BICRAL: variants seen among roughly 807,000 people sequenced by gnomAD.
The protein encoded by BICRAL is BRD4-interacting chromatin-remodeling complex-associated protein-like.
BICRAL carries 8 observed loss-of-function variants against 91.8 expected under a neutral mutation model. The observed-to-expected ratio is 0.09, with a 90% CI of 0.05 to 0.16. The LOEUF (loss-of-function observed/expected upper bound fraction) is 0.16. Among genes scored for constraint, BICRAL ranks in the 10% least tolerant of loss-of-function variants. BICRAL has a pLI of 1.00. For synonymous variants in BICRAL, 445 were observed against 491.1 expected (o/e 0.91, Z 1.24); for missense variants, 1,038 against 1,310.9 (o/e 0.79, Z 3.21).
chr6:42,801,222 GC>G (rs1763561153), intron 1 of BICRAL, among the ~76,000 whole-genome samples: 1 of 146,320 alleles, frequency 6.8e-6, no homozygotes, highest in African/African-American at 2.6e-5. Flanking sequence ...CTGCACTCCA[GC>G]CTGGCTGGCA....
chr6:42,843,914 T>C (rs1389566474), intron 6 of BICRAL, among the ~76,000 whole-genome samples: 1 of 149,798 alleles, frequency 6.7e-6, no homozygotes. Flanking sequence ...TTCTCCTGCC[T>C]CAGCCTCCTG....
At chr6:42,825,428 T>C (rs1222936132) in intron 5 of BICRAL, among the ~76,000 whole-genome samples, 1 of 144,208 alleles carries the variant, frequency 6.9e-6, no homozygotes, top group African/African-American at 2.6e-5. Flanking sequence ...AGCCGGGCGT[T>C]GTGGCGGCTG....
intron 1 of BICRAL, among the ~76,000 whole-genome samples, chr6:42,763,845 A>C (rs909135665): frequency 6.6e-6 from 1 of 151,850 alleles, no homozygotes; most frequent in South Asian, 2.1e-4. Context: ...AACAAACAAA[A>C]AAAACGAGCG....
intron 1 of BICRAL, among the ~76,000 whole-genome samples, chr6:42,755,889 G>A (rs1378517411): frequency 6.6e-6 from 1 of 151,802 alleles, no homozygotes; most frequent in Non-Finnish European, 1.5e-5. Context: ...GCCCAGGTTG[G>A]TCTTGAACTC....
chr6:42,763,841 CA>C (rs201897075), intron 1 of BICRAL, among the ~76,000 whole-genome samples: 1 of 140,852 alleles, frequency 7.1e-6, no homozygotes, highest in African/African-American at 2.6e-5. Context: ...AAAAAACAAA[CA>C]AAAAAAACGA....
intron 1 of BICRAL, among the ~76,000 whole-genome samples, chr6:42,770,847 C>T (rs909313619): frequency 6.6e-6 from 1 of 151,838 alleles, no homozygotes; most frequent in South Asian, 2.1e-4. Context: ...CCCGCCACCA[C>T]GCCCCGCTAA....
At chr6:42,795,079 A>G (rs545854437) in intron 1 of BICRAL, among the ~76,000 whole-genome samples, 1 of 152,340 alleles carries the variant, frequency 6.6e-6, no homozygotes, top group East Asian at 1.9e-4. Flanking sequence ...AAAGATCTAC[A>G]TCTATTGTTA....
intron 1 of BICRAL, among the ~76,000 whole-genome samples, chr6:42,789,549 T>A (rs1763206644): frequency 6.6e-6 from 1 of 150,634 alleles, no homozygotes; most frequent in Non-Finnish European, 1.5e-5. Flanking sequence ...GGCTGAGGCA[T>A]GAGAATTGCT....
chr6:42,785,707 T>G (rs894498010), intron 1 of BICRAL, among the ~76,000 whole-genome samples: 15 of 152,128 alleles, frequency 9.9e-5, no homozygotes, highest in African/African-American at 3.1e-4. Flanking sequence ...TCTTCTGGGT[T>G]TTGGGAAGTA....
At chr6:42,770,404 TTATTATTA>T (rs1186032094) in intron 1 of BICRAL, among the ~76,000 whole-genome samples, 5 of 130,850 alleles carry the variant, frequency 3.8e-5, no homozygotes, top group African/African-American at 1.6e-4. Context: ...AATTTTATTA[TTATTATTA>T]TTTTTTTTTT....
intron 1 of BICRAL, among the ~76,000 whole-genome samples, chr6:42,805,879 G>A (rs1317973585): frequency 6.6e-6 from 1 of 152,068 alleles, no homozygotes. Flanking sequence ...GCGGGCACCT[G>A]TAGTCCCAGC....
intron 7 of BICRAL, among the ~76,000 whole-genome samples, chr6:42,852,872 C>T (rs917730271): frequency 6.6e-6 from 1 of 151,566 alleles, no homozygotes; most frequent in South Asian, 2.1e-4. Context: ...CCGAGGCGGG[C>T]AGATCATGAG....
rs762043008 is a variant in BICRAL, at chr6:42,865,447, T to C, written c.*1T>C. 6 of 1,591,010 alleles carry C rather than the reference T, an allele frequency of 3.8e-6. No individual in the cohort carries two copies. The highest frequency in any genetic ancestry group is 3.4e-6 in the Non-Finnish European group (4 of 1,160,458). ...TGTAAATAGTATCCTAGAGTGTTAA[T>C]AGCAGCAGTCCTCCCCCTACCCCGC... On this transcript the variant is annotated 3_prime_UTR_variant, in exon 13 of 13. Transcript: ENST00000314073.
At chr6:42,851,975 T>C in intron 6 of BICRAL, 117 bp from the exon 7 acceptor site, 1 of 636,198 alleles carries the variant, frequency 1.6e-6, no homozygotes, top group Non-Finnish European at 2.8e-6. Flanking sequence ...TTTTGGTTTG[T>C]TTATAATCTA....
intron 1 of BICRAL, among the ~76,000 whole-genome samples, chr6:42,756,071 C>G (rs11759402): frequency 6.6e-6 from 1 of 152,088 alleles, no homozygotes; most frequent in East Asian, 1.9e-4. Context: ...ACCTTTTGTC[C>G]TATCATCCAC....
rs1283358864 is a variant in BICRAL at position 42,812,125 on chromosome 6, TAGAA to T, written c.-6+1728_-6+1731del. Among the ~76,000 whole-genome samples the T allele has an allele frequency of 9.9e-5, 15 of 151,998 alleles. No individual in the cohort carries two copies. The East Asian group carries it at 2.5e-3, about 25-fold the overall frequency. On this transcript the variant is annotated intron_variant, in intron 2 of 12. Transcript: ENST00000314073. ...CAACCACAACAACAAAATCAATCAA[TAGAA>T]AGAGATGCAGAAATTATACAAATGA... is the stretch of plus-strand genomic sequence containing the variant.
chr6:42,772,345 A>G (rs937693603), intron 1 of BICRAL, among the ~76,000 whole-genome samples: 3 of 152,132 alleles, frequency 2.0e-5, no homozygotes, highest in African/African-American at 7.2e-5. Flanking sequence ...GCGACGGGAG[A>G]AGGCTTCCCA....
intron 6 of BICRAL, among the ~76,000 whole-genome samples, chr6:42,844,699 TGAG>T (rs1764938384): frequency 2.6e-5 from 4 of 151,908 alleles, no homozygotes; most frequent in African/African-American, 7.3e-5. Flanking sequence ...GGCAACAGAC[TGAG>T]GAGAGAGCAG....
rs1350938094 is a variant in BICRAL at position 42,829,536 on chromosome 6, C to T, written c.1203C>T (p.Phe401=). 6.2e-7 allele frequency: 1 copy of T among 1,614,186 alleles called. No individual in the cohort carries two copies. The highest frequency in any genetic ancestry group is 1.1e-5 in the South Asian group (1 of 91,086). The change falls in exon 6 of 13, where the codon TTC becomes TTT. Residue 401 remains phenylalanine (F), a synonymous_variant. Coordinates refer to ENST00000314073, the MANE Select transcript of BICRAL (RefSeq NM_001393499.1). ...AACCTCACGCACCCCAAAGTCAGTT[C>T]CTTATACCTACAAGCCTTTCTGTCA... ...MGQPHAPQSQ[F]LIPTSLSVSS...
Sources: gnomAD v4.1 joint callset for allele counts (sites outside exome capture counted in the v4.1 genomes callset) on GRCh38, gnomAD v4.1.1 for gene constraint, MANE v1.5 for transcripts, NCBI Gene and HGNC (gene_info 2026-07-23, HGNC 2026-07-21) for gene names.